Variants in ZNF827 observed in about 807,000 individuals in gnomAD.
The protein encoded by ZNF827 is zinc finger protein 827.
ZNF827 carries 13 observed loss-of-function variants against 102.4 expected under a neutral mutation model. That is an observed-to-expected ratio of 0.13 (90% CI 0.08 to 0.20). The LOEUF (loss-of-function observed/expected upper bound fraction) is 0.20. ZNF827 is among the 10% of genes least tolerant of loss of function. The pLI is 1.00. For synonymous variants in ZNF827, 523 were observed against 536.2 expected (o/e 0.98, Z 0.34); for missense variants, 1,103 against 1,344.4 (o/e 0.82, Z 2.81).
chr4:145,823,268 T>C (rs997790951), intron 8 of ZNF827, among the ~76,000 whole-genome samples, 154 bp downstream of exon 8: 1 of 152,254 alleles, frequency 6.6e-6, no homozygotes, highest in Non-Finnish European at 1.5e-5. Context: ...AATAAACTTT[T>C]GTAGCTTAAA....
In ZNF827 at chr4:145,835,419, T is replaced by A. The variant is rs1027492697; in HGVS notation, c.2279+10537A>T. 71 of 151,486 alleles carry A rather than the reference T, an allele frequency of 4.7e-4. 1 individual carries two copies. Among genetic ancestry groups the A allele is most frequent in the Admixed American group, 1.0e-3 (16 of 15,248 alleles). The allele number at this position is 151,486 out of a possible 1,614,324, so 9.4% of individuals were successfully genotyped here. A position where few individuals can be genotyped will look rare whatever the true frequency, so the allele number is the denominator to read the frequency against. On this transcript the variant is annotated intron_variant, in intron 7 of 14. Transcript: ENST00000508784. ...TTGACAGCCAGGCTTCTAAACCTCT[T>A]AAAACTCCCCAACTCTGGTGCCAAC... is the stretch of plus-strand genomic sequence containing the variant.
chr4:145,802,614 G>A (rs1275483374), intron 8 of ZNF827, among the ~76,000 whole-genome samples: 3 of 152,170 alleles, frequency 2.0e-5, no homozygotes, highest in South Asian at 2.1e-4. Flanking sequence ...GTTGTGACCC[G>A]CCAGCCGATT....
intron 5 of ZNF827, among the ~76,000 whole-genome samples, chr4:145,856,984 C>T (rs867981026): frequency 8.3e-5 from 10 of 119,900 alleles, no homozygotes; most frequent in African/African-American, 1.6e-4. Context: ...CGCACGCGCA[C>T]GCACACACAC....
At chr4:145,777,304 T>C (rs1165556168) in intron 9 of ZNF827, among the ~76,000 whole-genome samples, 1 of 152,244 alleles carries the variant, frequency 6.6e-6, no homozygotes, top group Admixed American at 6.5e-5. Flanking sequence ...GCATCCTCCA[T>C]AAAGTGAAAC....
chr4:145,769,052 A>G (rs1438476232), intron 11 of ZNF827, among the ~76,000 whole-genome samples: 4 of 151,060 alleles, frequency 2.6e-5, no homozygotes, highest in African/African-American at 9.7e-5. Context: ...AAGTTTTTAA[A>G]AAGAGAAAGG....
intron 8 of ZNF827, among the ~76,000 whole-genome samples, chr4:145,788,164 T>C (rs1237923152): frequency 6.6e-6 from 1 of 152,006 alleles, no homozygotes; most frequent in African/African-American, 2.4e-5. Context: ...GGATAACCAT[T>C]TTTTTTTGCT....
In ZNF827 at chr4:145,760,656, ACC is replaced by A; in HGVS notation, c.*958_*959del. On this transcript the variant is annotated 3_prime_UTR_variant, in exon 15 of 15. Coordinates refer to ENST00000508784, the MANE Select transcript of ZNF827 (RefSeq NM_001306215.2). Reference sequence around the variant, plus strand: ...AAGATATACAGTACACATGTTCCAGACCCATCGGGGTCTGTAGGTTTTGCAGC... The same window carrying A: ...AAGATATACAGTACACATGTTCCAGACATCGGGGTCTGTAGGTTTTGCAGC... 1.7e-6 allele frequency: 1 copy of A among 579,668 alleles called. No individual in the cohort carries two copies. The highest frequency in any genetic ancestry group is 3.6e-5 in the South Asian group (1 of 27,816). The allele number at this position is 579,668 out of a possible 1,614,324, so 35.9% of individuals were successfully genotyped here. A position where few individuals can be genotyped will look rare whatever the true frequency, so the allele number is the denominator to read the frequency against.
intron 1 of ZNF827, among the ~76,000 whole-genome samples, chr4:145,929,884 T>C (rs1753680101): frequency 6.6e-6 from 1 of 152,212 alleles, no homozygotes; most frequent in South Asian, 2.1e-4. Context: ...CAGAAACTAT[T>C]ACCACTATTT....
chr4:145,873,000 A>G (rs1220334610), intron 4 of ZNF827, among the ~76,000 whole-genome samples: 5 of 145,976 alleles, frequency 3.4e-5, no homozygotes, highest in Non-Finnish European at 7.5e-5. Context: ...CAGTGGCACA[A>G]TCTCGGCTCA....
chr4:145,889,076 T>C (rs1366574013), intron 3 of ZNF827, among the ~76,000 whole-genome samples: 4 of 152,234 alleles, frequency 2.6e-5, no homozygotes. Context: ...ATCAAAGTGA[T>C]AATGGTTATT....
At chr4:145,868,164 T>C (rs1189877838) in intron 5 of ZNF827, among the ~76,000 whole-genome samples, 4 of 152,200 alleles carry the variant, frequency 2.6e-5, no homozygotes, top group Non-Finnish European at 4.4e-5. Context: ...TTGTTATGAC[T>C]AAAAAACTTC....
chr4:145,804,959 T>C lies in ZNF827; in HGVS notation c.2383+18463A>G, dbSNP rs1741262203. ...TTTAGAAAATGCCATCATTGGTGGCTTTAGGATTGTAAATCACCTCTTCAA... is the reference window on the plus strand; with the variant it reads ...TTTAGAAAATGCCATCATTGGTGGCCTTAGGATTGTAAATCACCTCTTCAA... On this transcript the variant is annotated intron_variant, in intron 8 of 14. Coordinates refer to ENST00000508784, the MANE Select transcript of ZNF827 (RefSeq NM_001306215.2). 2.0e-5 allele frequency among the ~76,000 whole-genome samples: 3 copies of C among 152,218 alleles called. No homozygotes were observed. In the South Asian group the frequency reaches 6.2e-4, roughly 31 times the overall value.
chr4:145,799,756 T>C (rs548777843), intron 8 of ZNF827, among the ~76,000 whole-genome samples: 2 of 152,312 alleles, frequency 1.3e-5, no homozygotes, highest in East Asian at 3.9e-4. Flanking sequence ...AAGTGATGTG[T>C]TACATGCCCT....
intron 5 of ZNF827, among the ~76,000 whole-genome samples, chr4:145,860,453 G>A (rs926365542): frequency 2.0e-5 from 3 of 152,216 alleles, no homozygotes; most frequent in African/African-American, 7.2e-5. Flanking sequence ...GATGGTAGTA[G>A]TAGGAAGTAA....
intron 8 of ZNF827, among the ~76,000 whole-genome samples, chr4:145,813,962 G>A (rs377229623): frequency 6.8e-4 from 104 of 152,314 alleles, no homozygotes; most frequent in African/African-American, 2.5e-3. Flanking sequence ...AGTGGAGGGT[G>A]AAGAAGAGGT....
chr4:145,902,549 A>G lies in ZNF827; in HGVS notation c.710T>C (p.Phe237Ser). 1.2e-6 allele frequency: 2 copies of G among 1,614,170 alleles called. No individual in the cohort carries two copies. The highest frequency in any genetic ancestry group is 1.7e-6 in the Non-Finnish European group (2 of 1,180,028). Reference sequence around the variant, plus strand: ...GCTAAAAGGGGAGGAAAAGGACTCAAATCGCATGGTCTCCTCAGTCCTGGT... The same window carrying G: ...GCTAAAAGGGGAGGAAAAGGACTCAGATCGCATGGTCTCCTCAGTCCTGGT... ...SLTRTEETMR[F>S]ESFSSPFSSQ... The change falls in exon 2 of 15, where the codon TTT (phenylalanine) becomes TCT (serine). Residue 237 changes from phenylalanine to serine, a missense_variant. Phe to Ser is a radical substitution (Grantham distance 155). Around this residue, in one of 5 missense-constraint regions of ZNF827, gnomAD observed 441 missense variants for 458.6 expected, o/e 0.96. Transcript: ENST00000508784. The surrounding 1 kb of genome is among the most constrained non-coding windows in gnomAD (Gnocchi z 4.3).
intron 8 of ZNF827, among the ~76,000 whole-genome samples, chr4:145,791,212 A>T (rs1232953445): frequency 6.6e-6 from 1 of 152,180 alleles, no homozygotes; most frequent in East Asian, 1.9e-4. Flanking sequence ...GTGTCTGGGG[A>T]GGCCCTGCTT....
chr4:145,862,505 T>A (rs778574025), intron 5 of ZNF827, among the ~76,000 whole-genome samples: 7 of 152,210 alleles, frequency 4.6e-5, no homozygotes, highest in Non-Finnish European at 8.8e-5. Context: ...TATATTTCAT[T>A]GTCCCCCAGC....
rs764877432 is a variant in ZNF827 at position 145,765,556 on chromosome 4, G to T, written c.3043C>A (p.Pro1015Thr). 2 of 1,612,308 alleles carry T rather than the reference G, an allele frequency of 1.2e-6. No homozygotes were observed. Among genetic ancestry groups the T allele is most frequent in the Non-Finnish European group, 1.7e-6 (2 of 1,179,108 alleles). ...SQPSLNSEEK[P>T]EKGFECVFCN... ...CCCACCTCCTCCTTACCTTTCTCTG[G>T]CTTTTCCTCACTGTTCAGTGAGGGC... Residue 1015 changes from proline to threonine, a missense_variant, in exon 12 of 15, where the codon CCA becomes ACA. Pro to Thr is a conservative substitution (Grantham distance 38, BLOSUM62 -1). This residue lies in a region of ZNF827 where 242 missense variants were observed against 361.9 expected (regional missense o/e 0.67). Transcript: ENST00000508784. This position sits in a 1 kb window ranked among gnomAD's most constrained non-coding sequence, Gnocchi z 4.7.
Sources: allele counts gnomAD v4.1 joint callset (sites outside exome capture counted in the v4.1 genomes callset), GRCh38; gene constraint gnomAD v4.1.1; regional missense constraint gnomAD v4.1.1; non-coding constraint Gnocchi (gnomAD v3.1); transcripts MANE v1.5; gene names NCBI Gene and HGNC (gene_info 2026-07-23, HGNC 2026-07-21).